ZBTB16: variants seen among roughly 807,000 people sequenced by gnomAD.
ZBTB16 encodes zinc finger and BTB domain-containing protein 16.
A neutral mutation model predicts 56.8 loss-of-function variants in ZBTB16; 8 were observed. The observed-to-expected ratio is 0.14, with a 90% confidence interval of 0.08 to 0.25. The LOEUF is 0.25. ZBTB16 is among the 10% of genes least tolerant of loss of function. The pLI is 1.00. For synonymous variants in ZBTB16, 363 were observed against 368.5 expected, an observed-to-expected ratio of 0.98 and a Z score of 0.17; for missense variants, 625 against 903.0, an observed-to-expected ratio of 0.69 and a Z score of 3.95.
intron 2 of ZBTB16, among the ~76,000 whole-genome samples, chr11:114,088,616 C>G (rs1294461795): frequency 4.6e-5 from 7 of 151,992 alleles, no homozygotes; most frequent in Admixed American, 2.6e-4. Context: ...GGCTTAGGAA[C>G]AGGAGGATGC....
At chr11:114,177,061 T>C (rs1288552681) in intron 3 of ZBTB16, among the ~76,000 whole-genome samples, 1 of 151,240 alleles carries the variant, frequency 6.6e-6, no homozygotes, top group South Asian at 2.1e-4. Flanking sequence ...GGCCAGGAGC[T>C]GTCCTCCTGG....
intron 2 of ZBTB16, among the ~76,000 whole-genome samples, chr11:114,121,066 G>A (rs570589999): frequency 2.6e-5 from 4 of 152,320 alleles, no homozygotes; most frequent in South Asian, 2.1e-4. Context: ...CCTGACCCAC[G>A]TTTAGAGACA....
chr11:114,231,563 C>T (rs1944442353), intron 4 of ZBTB16, among the ~76,000 whole-genome samples: 1 of 152,194 alleles, frequency 6.6e-6, no homozygotes, highest in Admixed American at 6.5e-5. Flanking sequence ...CTCTCAAGTC[C>T]TGTGAAATTT....
chr11:114,210,196 T>TGTGTGC (rs1217175270), intron 4 of ZBTB16, among the ~76,000 whole-genome samples: 2 of 151,156 alleles, frequency 1.3e-5, no homozygotes, highest in Non-Finnish European at 2.9e-5. Flanking sequence ...TGTGTGTGCG[T>TGTGTGC]GCGCGCGCGT....
chr11:114,180,613 G>A lies in ZBTB16; in HGVS notation c.1367-6339G>A, dbSNP rs80037221. Among the ~76,000 whole-genome samples the A allele has an allele frequency of 5.3e-4, 80 of 152,310 alleles. 1 individual carries two copies. The East Asian group carries it at 0.015, about 28-fold the overall frequency. ...CATGTCCTTGAGTTTTAAATAGGGG[G>A]TAGTAGAGAACGGAGTGTGCAGAAT... is the stretch of plus-strand genomic sequence containing the variant. On this transcript the variant is annotated intron_variant, in intron 3 of 6. Transcript: ENST00000335953.
intron 4 of ZBTB16, among the ~76,000 whole-genome samples, chr11:114,235,402 C>G (rs1944542931): frequency 1.3e-5 from 2 of 152,250 alleles, no homozygotes; most frequent in South Asian, 4.1e-4. Flanking sequence ...ACCTGAACAT[C>G]TTCTCCAGCT....
intron 2 of ZBTB16, among the ~76,000 whole-genome samples, chr11:114,106,274 G>A (rs920895590): frequency 4.6e-5 from 7 of 151,986 alleles, no homozygotes; most frequent in Non-Finnish European, 5.9e-5. Flanking sequence ...CCCCTTGGCC[G>A]GTTTCATGCC....
chr11:114,084,308 G>A (rs549398861), intron 2 of ZBTB16, among the ~76,000 whole-genome samples: 14 of 152,230 alleles, frequency 9.2e-5, no homozygotes, highest in South Asian at 6.2e-4. Flanking sequence ...AGAGATGGTC[G>A]GGGGAGAGAA....
chr11:114,066,735 T>A (rs1055122714), intron 2 of ZBTB16, among the ~76,000 whole-genome samples: 2 of 151,996 alleles, frequency 1.3e-5, no homozygotes, highest in African/African-American at 4.8e-5. Context: ...GTGATACTTA[T>A]TTAACCTTTC....
At chr11:114,218,236 C>G (rs1944152666) in intron 4 of ZBTB16, among the ~76,000 whole-genome samples, 1 of 152,192 alleles carries the variant, frequency 6.6e-6, no homozygotes, top group Admixed American at 6.5e-5. Context: ...CTTGCTGGTT[C>G]CATTGCTGCA....
chr11:114,082,849 T>A, intron 2 of ZBTB16, among the ~76,000 whole-genome samples: 1 of 152,104 alleles, frequency 6.6e-6, no homozygotes, highest in Non-Finnish European at 1.5e-5. Context: ...TCTCTAACTC[T>A]CTTTTAATAG....
intron 3 of ZBTB16, among the ~76,000 whole-genome samples, chr11:114,165,789 G>A (rs1394011977): frequency 6.6e-6 from 1 of 152,154 alleles, no homozygotes; most frequent in African/African-American, 2.4e-5. Flanking sequence ...ACTACTTAGT[G>A]GGGTGGCTCA....
chr11:114,207,590 A>AACACACACAC (rs66489516), intron 4 of ZBTB16, among the ~76,000 whole-genome samples: 2,707 of 143,648 alleles, frequency 0.019, 81 homozygotes, highest in African/African-American at 0.066. Context: ...ACACACACAC[A>AACACACACAC]ACACACACAC....
intron 4 of ZBTB16, among the ~76,000 whole-genome samples, chr11:114,205,968 A>G (rs1943861426): frequency 6.6e-6 from 1 of 152,162 alleles, no homozygotes; most frequent in Non-Finnish European, 1.5e-5. Flanking sequence ...CAAGTGGTCT[A>G]GAGGGCAAGG....
At chr11:114,148,469 C>CTCTCTCTCTCTTTCTTTCTTTCTT in intron 2 of ZBTB16, among the ~76,000 whole-genome samples, 1 of 60,952 alleles carries the variant, frequency 1.6e-5, no homozygotes, top group Admixed American at 2.1e-4. Context: ...CTCTCTCTCT[C>CTCTCTCTCTCTTTCTTTCTTTCTT]TCTTTCTTTC....
intron 2 of ZBTB16, among the ~76,000 whole-genome samples, chr11:114,093,740 C>T (rs1396982937): frequency 2.6e-5 from 4 of 152,222 alleles, no homozygotes; most frequent in Admixed American, 2.6e-4. Flanking sequence ...TTATCTGCTG[C>T]CTGGTTTCTC....
In ZBTB16 at chr11:114,250,053, T is replaced by C. The variant is rs1944891673; in HGVS notation, c.1793-273T>C. ...AATAGTAAGACAAGGAGCTGGGCAA[T>C]CCAGTAGTCAACTAGCTACATGTAG... On this transcript the variant is annotated intron_variant, in intron 6 of 6. Coordinates refer to ENST00000335953, the MANE Select transcript of ZBTB16 (RefSeq NM_006006.6). This position sits in a 1 kb window ranked among gnomAD's most constrained non-coding sequence, Gnocchi z 6.0. Among the ~76,000 whole-genome samples, 1 of 152,164 alleles carries C rather than the reference T, an allele frequency of 6.6e-6. No homozygotes were observed. Among genetic ancestry groups the C allele is most frequent in the Non-Finnish European group, 1.5e-5 (1 of 68,020 alleles).
chr11:114,223,454 G>A (rs921206425), intron 4 of ZBTB16, among the ~76,000 whole-genome samples: 10 of 152,212 alleles, frequency 6.6e-5, no homozygotes, highest in Non-Finnish European at 1.5e-4. Flanking sequence ...GTTGGTCAGA[G>A]TCAGATATTA....
At chr11:114,174,925 G>A (rs985832616) in intron 3 of ZBTB16, among the ~76,000 whole-genome samples, 12 of 152,178 alleles carry the variant, frequency 7.9e-5, no homozygotes, top group Admixed American at 5.9e-4. Flanking sequence ...AGCTGGGCCC[G>A]TGCTCCCATC....
Sources: allele counts gnomAD v4.1 joint callset (sites outside exome capture counted in the v4.1 genomes callset), GRCh38; gene constraint gnomAD v4.1.1; non-coding constraint Gnocchi (gnomAD v3.1); transcripts MANE v1.5; gene names NCBI Gene and HGNC (gene_info 2026-07-23, HGNC 2026-07-21).